Variants in GABBR2 observed in about 807,000 individuals in gnomAD.
GABBR2 encodes the protein G-protein coupled receptor 51.
Under a neutral mutation model 105.6 loss-of-function variants are expected in GABBR2, and 23 were observed. That is an observed-to-expected ratio of 0.22 (90% CI 0.16 to 0.31). The LOEUF is 0.31. Ranked by LOEUF, GABBR2 falls within the 10% of genes least tolerant of loss-of-function variation. GABBR2 has a pLI of 1.00. For missense variants in GABBR2, 734 were observed against 1,245.5 expected (o/e 0.59, Z 6.18); for synonymous variants, 478 against 499.7 (o/e 0.96, Z 0.58).
chr9:98,543,075 T>A (rs1258010754), intron 2 of GABBR2, among the ~76,000 whole-genome samples: 1 of 152,270 alleles, frequency 6.6e-6, no homozygotes, highest in African/African-American at 2.4e-5. Flanking sequence ...AAGCTGTCCA[T>A]CGTTCTCTTT....
intron 13 of GABBR2, among the ~76,000 whole-genome samples, chr9:98,353,574 AAAT>A (rs1424679292): frequency 2.0e-5 from 3 of 152,230 alleles, no homozygotes; most frequent in Non-Finnish European, 4.4e-5. Flanking sequence ...TGTATTTCTT[AAAT>A]AATAAGACTT....
At position 98,570,250 on chromosome 9, in the gene GABBR2, G is replaced by T. The variant is rs534099488; in HGVS notation, c.459+7685C>A. Among the ~76,000 whole-genome samples the T allele has an allele frequency of 3.0e-3, 452 of 152,338 alleles. 2 individuals carry two copies. The highest frequency in any genetic ancestry group is 4.0e-3 in the Non-Finnish European group (274 of 68,036). On this transcript the variant is annotated intron_variant, in intron 2 of 18. Coordinates refer to ENST00000259455, the MANE Select transcript of GABBR2 (RefSeq NM_005458.8). ...AGTGCCAAGGTGGGCCACAAGGCAG[G>T]GTGGGCTGTCGAGGGGCGGCTGGGG...
intron 2 of GABBR2, among the ~76,000 whole-genome samples, chr9:98,556,825 G>A (rs1828593936): frequency 6.6e-6 from 1 of 152,134 alleles, no homozygotes; most frequent in Admixed American, 6.5e-5. Flanking sequence ...TGGGCGGATC[G>A]CTTGAGCCTA....
intron 9 of GABBR2, among the ~76,000 whole-genome samples, chr9:98,392,518 C>A (rs544602394): frequency 6.6e-6 from 1 of 152,128 alleles, no homozygotes; most frequent in East Asian, 1.9e-4. Context: ...AGTGTGGAGA[C>A]CATTCTGGTT....
At chr9:98,518,563 T>A (rs895343202) in intron 3 of GABBR2, among the ~76,000 whole-genome samples, 8 of 152,204 alleles carry the variant, frequency 5.3e-5, no homozygotes, top group African/African-American at 1.7e-4. Flanking sequence ...TCACCCCTTG[T>A]GAACACTGGC....
chr9:98,293,892 C>T lies in GABBR2; in HGVS notation c.2553G>A (p.Lys851=), dbSNP rs759249460. The change falls in exon 18 of 19, where the codon AAG becomes AAA. Residue 851 remains lysine (K), a synonymous_variant. Coordinates refer to ENST00000259455, the MANE Select transcript of GABBR2 (RefSeq NM_005458.8). The part of the protein sequence containing the change: ...GNFTESTDGG[K]AILKNHLDQN... ...GATCGAGGTGATTTTTTAAAATGGC[C>T]TTTCCTCCATCTGAATGCAAAACAA... The T allele has an allele frequency of 1.4e-5, 23 of 1,600,532 alleles. No homozygotes were observed. The highest frequency in any genetic ancestry group is 1.8e-5 in the Non-Finnish European group (21 of 1,167,938).
intron 3 of GABBR2, among the ~76,000 whole-genome samples, chr9:98,507,018 G>A (rs185678272): frequency 3.9e-5 from 6 of 152,258 alleles, no homozygotes; most frequent in Admixed American, 2.0e-4. Flanking sequence ...GGGGAGAAAC[G>A]CACCCTCGGC....
chr9:98,558,582 C>T (rs1828622436), intron 2 of GABBR2, among the ~76,000 whole-genome samples: 1 of 152,196 alleles, frequency 6.6e-6, no homozygotes, highest in South Asian at 2.1e-4. Context: ...TTCGCTTCTC[C>T]ACATTGCCTG....
intron 13 of GABBR2, among the ~76,000 whole-genome samples, chr9:98,326,954 G>A (rs978773238): frequency 6.6e-6 from 1 of 152,244 alleles, no homozygotes; most frequent in Non-Finnish European, 1.5e-5. Flanking sequence ...AAAGGTGTGG[G>A]CCTGGGCCCT....
At chr9:98,581,851 C>T (rs1429308662) in intron 1 of GABBR2, among the ~76,000 whole-genome samples, 1 of 152,154 alleles carries the variant, frequency 6.6e-6, no homozygotes, top group Non-Finnish European at 1.5e-5. Flanking sequence ...TTTATTAATA[C>T]ATGCTTGCTT....
chr9:98,426,729 G>A (rs1253181114), intron 7 of GABBR2, among the ~76,000 whole-genome samples: 4 of 152,182 alleles, frequency 2.6e-5, no homozygotes, highest in African/African-American at 9.7e-5. Flanking sequence ...CAGGAGTGGT[G>A]GCTCATGCTG....
intron 1 of GABBR2, among the ~76,000 whole-genome samples, chr9:98,624,586 G>A (rs777766548): frequency 2.0e-5 from 3 of 152,036 alleles, no homozygotes; most frequent in Non-Finnish European, 4.4e-5. Context: ...AGAGTCTCTC[G>A]GGAAGAGAGA....
intron 6 of GABBR2, among the ~76,000 whole-genome samples, chr9:98,468,893 G>A (rs1245973580): frequency 6.6e-6 from 1 of 152,174 alleles, no homozygotes. Context: ...CACGTCACAG[G>A]TCTAGAGGAG....
At position 98,508,565 on chromosome 9, in the gene GABBR2, T is replaced by G. The variant is rs558329492; in HGVS notation, c.631-12051A>C. Among the ~76,000 whole-genome samples, 7 of 152,308 alleles carry G rather than the reference T, an allele frequency of 4.6e-5. No homozygotes were observed. In the East Asian group the frequency reaches 1.3e-3, roughly 29 times the overall value. On this transcript the variant is annotated intron_variant, in intron 3 of 18. Transcript: ENST00000259455. ...CTGGAAAATTGGGTCACTCCCACCCTAATACTGCGCTTTTCCAACGGGCTT... is the reference window on the plus strand; with the variant it reads ...CTGGAAAATTGGGTCACTCCCACCCGAATACTGCGCTTTTCCAACGGGCTT...
intron 16 of GABBR2, 42 bp downstream of exon 16, chr9:98,303,199 A>G (rs1319351919): frequency 1.3e-6 from 2 of 1,546,020 alleles, no homozygotes; most frequent in Non-Finnish European, 1.8e-6. Flanking sequence ...GAGGGGCTTC[A>G]GTGGCAGACA....
rs528371512 is a variant in GABBR2 at position 98,659,669 on chromosome 9, C to T, written c.321+48748G>A. Among the ~76,000 whole-genome samples, 57 of 151,878 alleles carry T rather than the reference C, an allele frequency of 3.8e-4. No individual in the cohort carries two copies. The South Asian group carries it at 0.011, about 29-fold the overall frequency. On this transcript the variant is annotated intron_variant, in intron 1 of 18. Coordinates refer to ENST00000259455, the MANE Select transcript of GABBR2 (RefSeq NM_005458.8). Reference sequence around the variant, plus strand: ...CCAAGTAGCTGGGATTACAGGCACCCACCACCACGCCCAGCTAACTTTTGT... The same window carrying T: ...CCAAGTAGCTGGGATTACAGGCACCTACCACCACGCCCAGCTAACTTTTGT...
At chr9:98,513,286 C>T (rs1827689093) in intron 3 of GABBR2, among the ~76,000 whole-genome samples, 1 of 152,044 alleles carries the variant, frequency 6.6e-6, no homozygotes, top group Admixed American at 6.6e-5. Flanking sequence ...AATGTTAGAC[C>T]TAAAACCATA....
At chr9:98,631,030 C>G (rs550136158) in intron 1 of GABBR2, among the ~76,000 whole-genome samples, 1 of 152,308 alleles carries the variant, frequency 6.6e-6, no homozygotes, top group South Asian at 2.1e-4. Context: ...GGAATTTCTA[C>G]TGCATAGCGC....
chr9:98,447,063 C>CTTTTTTTTTTTTT lies in GABBR2; in HGVS notation c.1236+6905_1236+6917dup, dbSNP rs369338702. Among the ~76,000 whole-genome samples, 198 of 116,268 alleles carry CTTTTTTTTTTTTT rather than the reference C, an allele frequency of 1.7e-3. 4 individuals carry two copies. The highest frequency in any genetic ancestry group is 6.1e-3 in the African/African-American group (173 of 28,570). 76.3% of individuals were successfully genotyped at this position (116,268 alleles called of 152,430 possible). On this transcript the variant is annotated intron_variant, in intron 7 of 18. Transcript: ENST00000259455. ...CCCAGATTCAACCTAAAAAAGACTT[C>CTTTTTTTTTTTTT]TTTTTTTTTTTTTTTTGAGACGGAG...
Sources: gnomAD v4.1 joint callset for allele counts (sites outside exome capture counted in the v4.1 genomes callset) on GRCh38, gnomAD v4.1.1 for gene constraint, MANE v1.5 for transcripts, NCBI Gene and HGNC (gene_info 2026-07-23, HGNC 2026-07-21) for gene names.